The following SETX variants were observed in gnomAD, a reference collection of about 807,000 sequenced individuals.
SETX encodes the protein senataxin.
In SETX, 90 loss-of-function variants were observed where a neutral mutation model predicts 227.2. The observed-to-expected ratio is 0.40, with a 90% CI of 0.33 to 0.47. The LOEUF is 0.47. Among genes scored for constraint, SETX ranks in the 20% least tolerant of loss-of-function variants. The pLI, the probability that SETX is intolerant of heterozygous loss-of-function variation, is 0.91. For synonymous variants in SETX, 1,210 were observed against 1,113.2 expected (o/e 1.09, Z -1.73); for missense variants, 3,052 against 3,181.5 (o/e 0.96, Z 0.98).
intron 5 of SETX, among the ~76,000 whole-genome samples, chr9:132,341,744 G>T (rs899560241): frequency 6.6e-6 from 1 of 152,164 alleles, no homozygotes; most frequent in Non-Finnish European, 1.5e-5. Context: ...CTTGTTTGGA[G>T]TGCAGAGTTT....
At chr9:132,349,537 A>G in intron 2 of SETX, 102 bp from the exon 3 acceptor site, 2 of 1,236,730 alleles carry the variant, frequency 1.6e-6, no homozygotes, top group East Asian at 4.8e-5. Flanking sequence ...TTCAATTTAA[A>G]ATGTGTCACT....
chr9:132,329,327 T>A lies in SETX; in HGVS notation c.2271A>T (p.Lys757Asn). ...AGAAATCTTCATTCGATGTGGACACTTTTTCCAAAGCATCAGTGCTAGAAT... is the reference window on the plus strand; with the variant it reads ...AGAAATCTTCATTCGATGTGGACACATTTTCCAAAGCATCAGTGCTAGAAT... ...LTDSSTDALE[K>N]VSTSNEDFSL... is the part of the protein sequence containing the mutation. Residue 757 changes from lysine to asparagine, a missense_variant, in exon 10 of 26, where the codon AAA becomes AAT. Around this residue, in one of 10 missense-constraint regions of SETX, gnomAD observed 1,483 missense variants for 1,312.0 expected, o/e 1.13. Transcript: ENST00000224140. 6.2e-7 allele frequency: 1 copy of A among 1,613,826 alleles called. No individual in the cohort carries two copies.
intron 21 of SETX, 61 bp downstream of exon 21, chr9:132,278,009 T>C: frequency 6.8e-7 from 1 of 1,475,834 alleles, no homozygotes; most frequent in Non-Finnish European, 9.5e-7. Flanking sequence ...GTAAAATGTC[T>C]ATTCTTCATA....
intron 18 of SETX, 105 bp from the exon 19 acceptor site, chr9:132,283,518 T>C: frequency 1.4e-6 from 2 of 1,393,572 alleles, no homozygotes; most frequent in Non-Finnish European, 2.0e-6. Flanking sequence ...AATAGATTTA[T>C]GACAGAAAAA....
chr9:132,264,886 G>C lies in SETX; in HGVS notation c.7387C>G (p.Leu2463Val). The part of the protein sequence containing the change: ...KNYRHDAVKI[L>V]KLKPVLQRSL... ...CTCTGCAGCACAGGCTTGAGTTTCA[G>C]AATCTTCACTGCATCATGTCTATAG... The change falls in exon 26 of 26, where the codon CTG (leucine) becomes GTG (valine). Residue 2463 changes from leucine to valine, a missense_variant. Physicochemically the swap from Leu to Val is conservative, Grantham distance 32 (BLOSUM62 1). Transcript: ENST00000224140. 1 of 1,614,050 alleles carries C rather than the reference G, an allele frequency of 6.2e-7. No homozygotes were observed. Among genetic ancestry groups the C allele is most frequent in the Non-Finnish European group, 8.5e-7 (1 of 1,179,942 alleles).
At position 132,329,800 on chromosome 9, in the gene SETX, G is replaced by C; in HGVS notation, c.1798C>G (p.Pro600Ala). 6.2e-7 allele frequency: 1 copy of C among 1,614,006 alleles called. No individual in the cohort carries two copies. The highest frequency in any genetic ancestry group is 1.1e-5 in the South Asian group (1 of 91,066). The change falls in exon 10 of 26, where the codon CCT becomes GCT. Residue 600 changes from proline to alanine, a missense_variant. Around this residue, in one of 10 missense-constraint regions of SETX, gnomAD observed 1,483 missense variants for 1,312.0 expected, o/e 1.13. Transcript: ENST00000224140. ...QIIRNIKFKA[P>A]PCNTFVDLTS... ...AGATCCACAAAAGTGTTACATGGAG[G>C]TGCTTTGAATTTTATGTTTCTAATA...
At chr9:132,283,172 A>T in intron 19 of SETX, 92 bp downstream of exon 19, 2 of 1,529,200 alleles carry the variant, frequency 1.3e-6, no homozygotes, top group Non-Finnish European at 1.8e-6. Flanking sequence ...AAAAAAAAAA[A>T]CACATTTCCT....
At chr9:132,289,318 C>G (rs1437940536) in intron 15 of SETX, among the ~76,000 whole-genome samples, 1 of 152,222 alleles carries the variant, frequency 6.6e-6, no homozygotes, top group Non-Finnish European at 1.5e-5. Flanking sequence ...GTTTATACTG[C>G]TTCAGCACAA....
rs1371079210 is a variant in SETX, at chr9:132,354,666, A to G, written c.-115+251T>C. 1.8e-4 allele frequency among the ~76,000 whole-genome samples: 27 copies of G among 151,946 alleles called. 1 individual carries two copies. ...AACAGCTCACACGAGACCGCAGTGTAGACAACGGAAGGACAGGGGGTCGCA... is the reference window on the plus strand; with the variant it reads ...AACAGCTCACACGAGACCGCAGTGTGGACAACGGAAGGACAGGGGGTCGCA... On this transcript the variant is annotated intron_variant, in intron 1 of 25. Transcript: ENST00000224140.
In SETX at chr9:132,326,664, G is replaced by C. The variant is rs1253978998; in HGVS notation, c.4934C>G (p.Ala1645Gly). 11 of 1,614,218 alleles carry C rather than the reference G, an allele frequency of 6.8e-6. No homozygotes were observed. Among genetic ancestry groups the C allele is most frequent in the Non-Finnish European group, 9.3e-6 (11 of 1,180,036 alleles). The stretch of plus-strand genomic sequence containing the variant: ...CTTCATTTCACCAACTGGCTTCTGA[G>C]CTATGAGGGGAACTGGCTGTGGTAC... ...LKVPQPVPLI[A>G]QKPVGEMKNS... is the part of the protein sequence containing the mutation. Residue 1645 changes from alanine (A) to glycine (G), a missense_variant, in exon 10 of 26, where the codon GCT (alanine) becomes GGT (glycine). By Grantham distance (60) the Ala-to-Gly change is moderately conservative. Around this residue, in one of 10 missense-constraint regions of SETX, gnomAD observed 1,483 missense variants for 1,312.0 expected, o/e 1.13. Transcript: ENST00000224140.
chr9:132,347,644 ATC>A (rs573236675), intron 3 of SETX, among the ~76,000 whole-genome samples: 1 of 151,596 alleles, frequency 6.6e-6, no homozygotes, highest in South Asian at 2.1e-4. Flanking sequence ...TTCTATAAAT[ATC>A]TCAACATCCC....
At chr9:132,282,048 C>T (rs1293010900) in intron 19 of SETX, among the ~76,000 whole-genome samples, 1 of 149,744 alleles carries the variant, frequency 6.7e-6, no homozygotes, top group Admixed American at 6.7e-5. Flanking sequence ...AGCAAGACTC[C>T]GTCTCAAAAA....
Position 132,327,198 on chromosome 9 carries a change from C to A in SETX, c.4400G>T (p.Gly1467Val). Residue 1467 changes from glycine to valine, a missense_variant, in exon 10 of 26, where the codon GGA (glycine) becomes GTA (valine). By Grantham distance (109) the Gly-to-Val change is moderately radical. This residue lies in a region of SETX where 1,483 missense variants were observed against 1,312.0 expected (regional missense o/e 1.13). Transcript: ENST00000224140. ...TATATGACGTGCTGTTGGATCACCT[C>A]CACCCAGAGGGTCTTCTGAAGTGGA... is the stretch of plus-strand genomic sequence containing the variant. ...IVSTSEDPLG[G>V]GDPTARHIEM... 1 of 1,614,206 alleles carries A rather than the reference C, an allele frequency of 6.2e-7. No homozygotes were observed. Among genetic ancestry groups the A allele is most frequent in the Non-Finnish European group, 8.5e-7 (1 of 1,180,042 alleles).
chr9:132,305,259 C>T (rs1845261456), intron 11 of SETX, among the ~76,000 whole-genome samples: 1 of 146,024 alleles, frequency 6.8e-6, no homozygotes, highest in Non-Finnish European at 1.5e-5. Context: ...GAGGCTGAGG[C>T]AGGAGAATGG....
chr9:132,299,338 T>C (rs1032597354), intron 12 of SETX, among the ~76,000 whole-genome samples: 1 of 152,232 alleles, frequency 6.6e-6, no homozygotes, highest in Non-Finnish European at 1.5e-5. Flanking sequence ...ATCCAAGACA[T>C]GATTTTGATC....
intron 23 of SETX, among the ~76,000 whole-genome samples, chr9:132,273,747 G>T (rs1843009402): frequency 6.6e-6 from 1 of 152,016 alleles, no homozygotes; most frequent in Non-Finnish European, 1.5e-5. Flanking sequence ...CCTATGAAGA[G>T]AGAGTTTTAC....
intron 15 of SETX, 75 bp from the exon 16 acceptor site, chr9:132,288,726 A>ATT (rs1844091765): frequency 1.1e-6 from 1 of 951,602 alleles, no homozygotes; most frequent in Admixed American, 1.9e-5. Context: ...TAGTATCTAT[A>ATT]TTTCTAAGTA....
At position 132,277,168 on chromosome 9, in the gene SETX, A is replaced by G. The variant is rs75901249; in HGVS notation, c.6843-16T>C. On this transcript the variant is annotated splice_polypyrimidine_tract_variant and intron_variant, in intron 21 of 25. Coordinates refer to ENST00000224140, the MANE Select transcript of SETX (RefSeq NM_015046.7). Reference sequence around the variant, plus strand: ...TTCTGTCTGTCTGTAAAAAAAAAAAAGCAGTCAACATTCAGAATAAAGTCA... The same window carrying G: ...TTCTGTCTGTCTGTAAAAAAAAAAAGGCAGTCAACATTCAGAATAAAGTCA... The G allele has an allele frequency of 6.4e-7, 1 of 1,563,470 alleles. No individual in the cohort carries two copies. Among genetic ancestry groups the G allele is most frequent in the Non-Finnish European group, 8.8e-7 (1 of 1,137,688 alleles).
chr9:132,348,362 C>CAAAA (rs1343590099), intron 3 of SETX, among the ~76,000 whole-genome samples: 6 of 11,704 alleles, frequency 5.1e-4, no homozygotes, highest in Admixed American at 9.8e-4. Flanking sequence ...GACTCTGTCT[C>CAAAA]AAAAAAAAAA....
Sources: gnomAD v4.1 joint callset for allele counts (sites outside exome capture counted in the v4.1 genomes callset) on GRCh38, gnomAD v4.1.1 for gene constraint, gnomAD v4.1.1 regional missense constraint, MANE v1.5 for transcripts, NCBI Gene and HGNC (gene_info 2026-07-23, HGNC 2026-07-21) for gene names.